KCNQ2: variants seen among roughly 807,000 people sequenced by gnomAD.
KCNQ2 encodes the protein potassium voltage-gated channel subfamily Q member 2.
In KCNQ2, 14 loss-of-function variants were observed where a neutral mutation model predicts 84.8. The ratio of observed to expected loss-of-function variants is 0.17; its 90% confidence interval spans 0.11 to 0.26. The LOEUF (loss-of-function observed/expected upper bound fraction) is 0.26. Ranked by LOEUF, KCNQ2 falls within the 10% of genes least tolerant of loss-of-function variation. The pLI, the probability that KCNQ2 is intolerant of heterozygous loss-of-function variation, is 1.00. For synonymous variants in KCNQ2, 599 were observed against 554.1 expected, an observed-to-expected ratio of 1.08 and a Z score of -1.14; for missense variants, 788 against 1,254.0, an observed-to-expected ratio of 0.63 and a Z score of 5.61.
rs559844415 is a variant in KCNQ2, at chr20:63,413,410, C to T, written c.1763+40G>A. 1.6e-5 allele frequency: 25 copies of T among 1,611,480 alleles called. No homozygotes were observed. In the East Asian group the frequency reaches 3.8e-4, roughly 24 times the overall value. Reference sequence around the variant, plus strand: ...TGGGCTTTGTCCCAGAAGCCCACCCCGTTCTTGTCCCCTGCTGGACAGGCA... The same window carrying T: ...TGGGCTTTGTCCCAGAAGCCCACCCTGTTCTTGTCCCCTGCTGGACAGGCA... On this transcript the variant is annotated intron_variant, in intron 15 of 16. Transcript: ENST00000359125.
chr20:63,464,319 G>C (rs1344283291), intron 1 of KCNQ2, among the ~76,000 whole-genome samples: 2 of 151,974 alleles, frequency 1.3e-5, no homozygotes, highest in African/African-American at 4.8e-5. Context: ...TGTCTCCTGT[G>C]GGGGTGGAGG....
chr20:63,462,829 G>C (rs1314048137), intron 1 of KCNQ2, among the ~76,000 whole-genome samples: 3 of 152,190 alleles, frequency 2.0e-5, no homozygotes, highest in African/African-American at 7.2e-5. Flanking sequence ...TGCAGGGAGA[G>C]GGGGCCACAC....
At chr20:63,439,388 G>A (rs906829208) in intron 6 of KCNQ2, among the ~76,000 whole-genome samples, 2 of 152,220 alleles carry the variant, frequency 1.3e-5, no homozygotes, top group Non-Finnish European at 2.9e-5. Context: ...GCATGCTCCT[G>A]TCGGGGCTGG....
In KCNQ2 at chr20:63,425,910, C is replaced by G. The variant is rs1167554381; in HGVS notation, c.1218-1704G>C. On this transcript the variant is annotated intron_variant, in intron 10 of 16. Coordinates refer to ENST00000359125, the MANE Select transcript of KCNQ2 (RefSeq NM_172107.4). The surrounding 1 kb of genome is among the most constrained non-coding windows in gnomAD (Gnocchi z 5.5). ...TTAAAGTATCAACAGCAGGACAGCT[C>G]TTCCCACTCAAAAAGGGAGAATGAC... is the stretch of plus-strand genomic sequence containing the variant. Among the ~76,000 whole-genome samples the G allele has an allele frequency of 6.6e-6, 1 of 152,246 alleles. No individual in the cohort carries two copies. Among genetic ancestry groups the G allele is most frequent in the Non-Finnish European group, 1.5e-5 (1 of 68,040 alleles).
chr20:63,442,668 C>CCAT (rs2081205693), intron 4 of KCNQ2, 137 bp from the exon 5 acceptor site: 3 of 482,560 alleles, frequency 6.2e-6, no homozygotes, highest in Non-Finnish European at 7.0e-6. Context: ...ACCATCACCA[C>CCAT]CACCACCACC....
chr20:63,410,248 A>C (rs1305240833), intron 15 of KCNQ2, among the ~76,000 whole-genome samples: 1 of 152,090 alleles, frequency 6.6e-6, no homozygotes, highest in African/African-American at 2.4e-5. Flanking sequence ...CTGCCACATG[A>C]CGGGCCGCCC....
At chr20:63,439,919 C>A in intron 5 of KCNQ2, 1 of 627,172 alleles carries the variant, frequency 1.6e-6, no homozygotes. Flanking sequence ...AGGCCAGAAG[C>A]GGGGTCCAGC....
In KCNQ2 at chr20:63,472,521, G is replaced by A. The variant is rs970714980; in HGVS notation, c.-58C>T. The A allele has an allele frequency of 1.4e-4, 186 of 1,329,388 alleles. No individual in the cohort carries two copies. Among genetic ancestry groups the A allele is most frequent in the Non-Finnish European group, 1.7e-4 (179 of 1,042,570 alleles). The allele number at this position is 1,329,388 out of a possible 1,614,324, so 82.3% of individuals were successfully genotyped here. ...CAGGCTCAGCGGGGGCGGAGCGCGG[G>A]GGGCGGCGCGGGCCCCAGCCCAGGC... On this transcript the variant is annotated 5_prime_UTR_variant, in exon 1 of 17. Transcript: ENST00000359125.
Position 63,446,376 on chromosome 20 carries a change from C to A in KCNQ2, c.387+371G>T, listed in dbSNP as rs2145786942. Reference sequence around the variant, plus strand: ...TGGCACAGGGTTGCTGCAAGCGTCACAGCCCCCACCCCGACGCCCACGTCT... The same window carrying A: ...TGGCACAGGGTTGCTGCAAGCGTCAAAGCCCCCACCCCGACGCCCACGTCT... On this transcript the variant is annotated intron_variant, in intron 2 of 16. Transcript: ENST00000359125. This position sits in a 1 kb window ranked among gnomAD's most constrained non-coding sequence, Gnocchi z 5.5. The A allele has an allele frequency of 3.0e-6, 1 of 337,104 alleles. No homozygotes were observed. Among genetic ancestry groups the A allele is most frequent in the East Asian group, 7.2e-5 (1 of 13,970 alleles). The allele number at this position is 337,104 out of a possible 1,614,324, so 20.9% of individuals were successfully genotyped here.
intron 10 of KCNQ2, among the ~76,000 whole-genome samples, chr20:63,427,467 C>T (rs1256384131): frequency 6.6e-6 from 1 of 152,222 alleles, no homozygotes. Context: ...AACTAAGTGC[C>T]GCTGGAGTGT....
At chr20:63,452,999 C>T (rs2081659207) in intron 1 of KCNQ2, among the ~76,000 whole-genome samples, 1 of 152,218 alleles carries the variant, frequency 6.6e-6, no homozygotes, top group African/African-American at 2.4e-5. Context: ...GCTCAAAGCG[C>T]AGCACCGCGT....
intron 5 of KCNQ2, among the ~76,000 whole-genome samples, chr20:63,440,492 C>G (rs944499154): frequency 2.6e-5 from 4 of 152,330 alleles, no homozygotes; most frequent in Admixed American, 2.6e-4. Flanking sequence ...GCACCACAAG[C>G]CACGGGCTCA....
chr20:63,452,305 G>A (rs2081637595), intron 1 of KCNQ2, among the ~76,000 whole-genome samples: 1 of 152,262 alleles, frequency 6.6e-6, no homozygotes, highest in Non-Finnish European at 1.5e-5. Flanking sequence ...GTAATCCAGT[G>A]CCTGCCTCTG....
chr20:63,434,157 G>A (rs1395521015), intron 7 of KCNQ2: 4 of 535,830 alleles, frequency 7.5e-6, no homozygotes, highest in East Asian at 6.1e-5. Context: ...GGCTTGACTC[G>A]GGGCCCTGAG....
At chr20:63,447,808 G>T (rs867061859) in intron 1 of KCNQ2, among the ~76,000 whole-genome samples, 5 of 152,220 alleles carry the variant, frequency 3.3e-5, no homozygotes, top group South Asian at 4.1e-4. Context: ...CATTGGCCAG[G>T]CTAGTCTCGA....
At chr20:63,462,747 C>T (rs2081987673) in intron 1 of KCNQ2, among the ~76,000 whole-genome samples, 1 of 152,214 alleles carries the variant, frequency 6.6e-6, no homozygotes, top group African/African-American at 2.4e-5. Context: ...AGTCCTAGCA[C>T]CTGCTTCAAG....
intron 15 of KCNQ2, 85 bp downstream of exon 15, chr20:63,413,365 A>G: frequency 6.4e-7 from 1 of 1,555,630 alleles, no homozygotes; most frequent in Non-Finnish European, 8.8e-7. Context: ...CACCCCCTGC[A>G]CTCCCACCAT....
rs2080618307 is a variant in KCNQ2 at position 63,425,982 on chromosome 20, C to T, written c.1218-1776G>A. Among the ~76,000 whole-genome samples, 1 of 152,214 alleles carries T rather than the reference C, an allele frequency of 6.6e-6. No individual in the cohort carries two copies. The highest frequency in any genetic ancestry group is 1.5e-5 in the Non-Finnish European group (1 of 68,034). Reference sequence around the variant, plus strand: ...GTTTCCAATCCGGCGGGGCAAACTCCACGTGGCACAGCTCTGGGGACGCTC... The same window carrying T: ...GTTTCCAATCCGGCGGGGCAAACTCTACGTGGCACAGCTCTGGGGACGCTC... On this transcript the variant is annotated intron_variant, in intron 10 of 16. Coordinates refer to ENST00000359125, the MANE Select transcript of KCNQ2 (RefSeq NM_172107.4). The surrounding 1 kb of genome is among the most constrained non-coding windows in gnomAD (Gnocchi z 5.5).
At chr20:63,444,535 C>T (rs1419408236) in intron 4 of KCNQ2, 124 bp downstream of exon 4, 8 of 733,486 alleles carry the variant, frequency 1.1e-5, no homozygotes, top group South Asian at 2.9e-5. Context: ...GCCAGAGCCA[C>T]CACTGACTCC....
Sources: allele counts gnomAD v4.1 joint callset (sites outside exome capture counted in the v4.1 genomes callset), GRCh38; gene constraint gnomAD v4.1.1; non-coding constraint Gnocchi (gnomAD v3.1); transcripts MANE v1.5; gene names NCBI Gene and HGNC (gene_info 2026-07-23, HGNC 2026-07-21).